Variants in SH3YL1 observed in about 807,000 individuals in gnomAD.
SH3YL1 encodes SH3 and SYLF domain containing 1.
A neutral mutation model predicts 45.8 loss-of-function variants in SH3YL1; 41 were observed. The observed-to-expected ratio is 0.89, with a 90% confidence interval of 0.70 to 1.16. The LOEUF is 1.16. Among genes scored for constraint, SH3YL1 ranks in the 50% most tolerant of loss-of-function variants. SH3YL1 has a pLI of 0.00. For missense variants in SH3YL1, 389 were observed against 409.6 expected (o/e 0.95, Z 0.43); for synonymous variants, 152 against 151.4 (o/e 1.00, Z -0.03).
At chr2:248,042 T>A (rs1454231513) in intron 3 of SH3YL1, among the ~76,000 whole-genome samples, 1 of 152,240 alleles carries the variant, frequency 6.6e-6, no homozygotes, top group African/African-American at 2.4e-5. Context: ...ACATAATAAT[T>A]GTTTCCATTG....
rs770215394 is a variant in SH3YL1, at chr2:229,960, ATTTAC to A, written c.781+1_781+5del. 8.7e-6 allele frequency: 14 copies of A among 1,609,426 alleles called. No individual in the cohort carries two copies. Among genetic ancestry groups the A allele is most frequent in the African/African-American group, 1.3e-5 (1 of 74,942 alleles). ...ACTGTATTTGAATTGCAACAAAAATATTTACTTTGAGAGCCAGAGTTCAGCTGGAC... is the reference window on the plus strand; with the variant it reads ...ACTGTATTTGAATTGCAACAAAAATATTTGAGAGCCAGAGTTCAGCTGGAC... On this transcript the variant is annotated splice_donor_variant and splice_donor_5th_base_variant and intron_variant, in intron 8 of 9. Transcript: ENST00000356150. LOFTEE classifies it high-confidence loss of function.
chr2:233,614 T>C (rs912696559), intron 5 of SH3YL1, among the ~76,000 whole-genome samples: 2 of 152,236 alleles, frequency 1.3e-5, no homozygotes, highest in Non-Finnish European at 2.9e-5. Flanking sequence ...GCATTGAGTA[T>C]TTTCATGGAA....
Position 229,656 on chromosome 2 carries a change from G to A in SH3YL1, c.781+310C>T, listed in dbSNP as rs1049233612. ...AGGCAGGAGAATGGCGTGAACCCGGGAGGCGGAGCTTGCAGTGAGCCGAGA... is the reference window on the plus strand; with the variant it reads ...AGGCAGGAGAATGGCGTGAACCCGGAAGGCGGAGCTTGCAGTGAGCCGAGA... On this transcript the variant is annotated intron_variant, in intron 8 of 9. Coordinates refer to ENST00000356150, the MANE Select transcript of SH3YL1 (RefSeq NM_015677.4). 3.4e-5 allele frequency among the ~76,000 whole-genome samples: 5 copies of A among 148,526 alleles called. No individual in the cohort carries two copies. In the South Asian group the frequency reaches 6.4e-4, roughly 19 times the overall value.
rs1553289128 is a variant in SH3YL1 at position 218,268 on chromosome 2, T to C, written c.*543A>G. ...GGAAGAAAAGTTGAGAGATGCCATA[T>C]GTTTAAAGACATGGTAGTCAGACTT... On this transcript the variant is annotated 3_prime_UTR_variant, in exon 10 of 10. Transcript: ENST00000356150. 1 of 152,234 alleles carries C rather than the reference T, an allele frequency of 6.6e-6. No individual in the cohort carries two copies. Among genetic ancestry groups the C allele is most frequent in the Non-Finnish European group, 1.5e-5 (1 of 68,054 alleles). The allele number at this position is 152,234 out of a possible 1,614,324, so 9.4% of individuals were successfully genotyped here. A position where few individuals can be genotyped will look rare whatever the true frequency, so the allele number is the denominator to read the frequency against.
intron 1 of SH3YL1, among the ~76,000 whole-genome samples, chr2:253,696 T>C (rs1572177248): frequency 1.3e-5 from 2 of 152,218 alleles, no homozygotes; most frequent in South Asian, 2.1e-4. Context: ...ACTCCACCTA[T>C]TGAGTAGCCC....
chr2:253,928 C>T (rs960268900), intron 1 of SH3YL1, among the ~76,000 whole-genome samples: 1 of 152,060 alleles, frequency 6.6e-6, no homozygotes, highest in African/African-American at 2.4e-5. Context: ...CAAATCTATG[C>T]TGAGAGTCAG....
chr2:247,529 G>A lies in SH3YL1; in HGVS notation c.291+9C>T, dbSNP rs1668876305. ...ATGGCAGTTGTATGGACGTGCACAA[G>A]CTACTTACCTCAATTCCTATTTCAA... is the stretch of plus-strand genomic sequence containing the variant. On this transcript the variant is annotated intron_variant, in intron 4 of 9. Transcript: ENST00000356150. The A allele has an allele frequency of 6.5e-7, 1 of 1,550,364 alleles. No homozygotes were observed. Among genetic ancestry groups the A allele is most frequent in the South Asian group, 1.2e-5 (1 of 84,024 alleles).
In SH3YL1 at chr2:218,436, GT is replaced by G. The variant is rs1667439185; in HGVS notation, c.*374del. 1 of 165,786 alleles carries G rather than the reference GT, an allele frequency of 6.0e-6. No homozygotes were observed. The highest frequency in any genetic ancestry group is 1.3e-5 in the Non-Finnish European group (1 of 77,884). The allele number at this position is 165,786 out of a possible 1,614,324, so 10.3% of individuals were successfully genotyped here. On this transcript the variant is annotated 3_prime_UTR_variant, in exon 10 of 10. Coordinates refer to ENST00000356150, the MANE Select transcript of SH3YL1 (RefSeq NM_015677.4). ...ATTTAAGCTGATTTCTTTTTCTCTA[GT>G]CACTTTGCAAATGGAAATGTAAGAA... is the stretch of plus-strand genomic sequence containing the variant.
At chr2:243,495 C>T in intron 4 of SH3YL1, 1 of 1,527,694 alleles carries the variant, frequency 6.5e-7, no homozygotes, top group African/African-American at 1.4e-5. Flanking sequence ...AATGAAGACA[C>T]AACATACCCA....
At chr2:221,241 G>C (rs1402209212) in intron 9 of SH3YL1, among the ~76,000 whole-genome samples, 4 of 152,182 alleles carry the variant, frequency 2.6e-5, no homozygotes, top group Admixed American at 6.5e-5. Flanking sequence ...ATTTATCGGA[G>C]CATTTTACTT....
At chr2:248,345 A>C (rs535949892) in intron 3 of SH3YL1, among the ~76,000 whole-genome samples, 189 of 152,244 alleles carry the variant, frequency 1.2e-3, no homozygotes, top group African/African-American at 4.3e-3. Context: ...TAGATACTAG[A>C]ATATTGCTGA....
rs776251412 is a variant in SH3YL1 at position 233,197 on chromosome 2, G to C, written c.437C>G (p.Ser146Cys). 2 of 1,590,480 alleles carry C rather than the reference G, an allele frequency of 1.3e-6. No individual in the cohort carries two copies. The highest frequency in any genetic ancestry group is 1.7e-4 in the Middle Eastern group (1 of 5,974). ...NLEGNVALRSSAAVFTYCKSR... is the reference protein window; with the variant it reads ...NLEGNVALRSCAAVFTYCKSR... Reference sequence around the variant, plus strand: ...CTTGCAGTACGTGAAGACGGCAGCGGAGCTTCTCAGGGCCACGTTTCCTTC... The same window carrying C: ...CTTGCAGTACGTGAAGACGGCAGCGCAGCTTCTCAGGGCCACGTTTCCTTC... The change falls in exon 6 of 10, where the codon TCC becomes TGC. Residue 146 changes from serine to cysteine, a missense_variant. Coordinates refer to ENST00000356150, the MANE Select transcript of SH3YL1 (RefSeq NM_015677.4).
In SH3YL1 at chr2:218,598, G is replaced by C. The variant is rs1667445305; in HGVS notation, c.*213C>G. ...GCGTATAAACTGTATGATATTCTATGACACAGTAAGTGTGATAAAGTTAGT... is the reference window on the plus strand; with the variant it reads ...GCGTATAAACTGTATGATATTCTATCACACAGTAAGTGTGATAAAGTTAGT... On this transcript the variant is annotated 3_prime_UTR_variant, in exon 10 of 10. Transcript: ENST00000356150. 1 of 502,346 alleles carries C rather than the reference G, an allele frequency of 2.0e-6. No individual in the cohort carries two copies. Among genetic ancestry groups the C allele is most frequent in the African/African-American group, 1.9e-5 (1 of 51,694 alleles). The allele number at this position is 502,346 out of a possible 1,614,324, so 31.1% of individuals were successfully genotyped here.
At chr2:259,452 T>A (rs1305392861) in intron 1 of SH3YL1, 1 of 152,136 alleles carries the variant, frequency 6.6e-6, no homozygotes, top group Non-Finnish European at 1.5e-5. Context: ...TTTTTTCTGT[T>A]TTTTCTTAAT....
chr2:227,063 G>A (rs1375315671), intron 8 of SH3YL1, among the ~76,000 whole-genome samples: 1 of 150,906 alleles, frequency 6.6e-6, no homozygotes, highest in Non-Finnish European at 1.5e-5. Context: ...AAATGCCTAT[G>A]GCGGGAAGCA....
chr2:255,671 G>T (rs976904274), intron 1 of SH3YL1, among the ~76,000 whole-genome samples: 1 of 152,220 alleles, frequency 6.6e-6, no homozygotes, highest in African/African-American at 2.4e-5. Flanking sequence ...TTCTTTAAAA[G>T]ATGTCAGTAT....
At chr2:256,755 C>A (rs1669350991) in intron 1 of SH3YL1, 1 of 152,066 alleles carries the variant, frequency 6.6e-6, no homozygotes, top group African/African-American at 2.4e-5. Flanking sequence ...ATAGGAATTG[C>A]CAGTTCATGT....
rs11370759 is a variant in SH3YL1 at position 232,445 on chromosome 2, C to CTT, written c.533+654_533+655dup. Among the ~76,000 whole-genome samples the CTT allele has an allele frequency of 1.4e-3, 208 of 148,934 alleles. 1 individual carries two copies. Among genetic ancestry groups the CTT allele is most frequent in the East Asian group, 5.3e-3 (27 of 5,102 alleles). On this transcript the variant is annotated intron_variant, in intron 6 of 9. Transcript: ENST00000356150. ...GTATTACTAACTTATGTTTAAGTTTCTTTTTTTTTTAATATACTTTAAGTT... is the reference window on the plus strand; with the variant it reads ...GTATTACTAACTTATGTTTAAGTTTCTTTTTTTTTTTTAATATACTTTAAGTT...
At chr2:233,583 T>A (rs1011881798) in intron 5 of SH3YL1, among the ~76,000 whole-genome samples, 2 of 152,236 alleles carry the variant, frequency 1.3e-5, no homozygotes, top group African/African-American at 4.8e-5. Flanking sequence ...TCAAGAGTGC[T>A]AAAGAATTTG....
Sources: allele counts gnomAD v4.1 joint callset (sites outside exome capture counted in the v4.1 genomes callset), GRCh38; gene constraint gnomAD v4.1.1; transcripts MANE v1.5; gene names NCBI Gene and HGNC (gene_info 2026-07-23, HGNC 2026-07-21).